XKR6: variants seen among roughly 807,000 people sequenced by gnomAD.
The protein encoded by XKR6 is XK-related protein 6.
A neutral mutation model predicts 56.7 loss-of-function variants in XKR6; 22 were observed. The observed-to-expected ratio is 0.39, with a 90% CI of 0.28 to 0.55. The LOEUF (loss-of-function observed/expected upper bound fraction) is 0.55. Ranked by LOEUF, XKR6 falls within the 20% of genes least tolerant of loss-of-function variation. The pLI is 0.66. For synonymous variants in XKR6, 524 were observed against 387.8 expected, an observed-to-expected ratio of 1.35 and a Z score of -4.13; for missense variants, 852 against 889.0, an observed-to-expected ratio of 0.96 and a Z score of 0.53.
At chr8:10,982,134 CT>C (rs1797749253) in intron 1 of XKR6, among the ~76,000 whole-genome samples, 1 of 152,208 alleles carries the variant, frequency 6.6e-6, no homozygotes, top group African/African-American at 2.4e-5. Flanking sequence ...CAACTCAACC[CT>C]TGTCTGATGA....
At chr8:11,066,329 T>C (rs1047388221) in intron 1 of XKR6, among the ~76,000 whole-genome samples, 8 of 152,232 alleles carry the variant, frequency 5.3e-5, no homozygotes, top group Non-Finnish European at 1.0e-4. Flanking sequence ...CCTCCCACCA[T>C]TTCTATTGCA....
At chr8:11,063,859 C>T (rs1274567385) in intron 1 of XKR6, among the ~76,000 whole-genome samples, 4 of 152,198 alleles carry the variant, frequency 2.6e-5, no homozygotes, top group East Asian at 1.9e-4. Context: ...AGAGGCTACT[C>T]GACACTGGGA....
Position 11,075,185 on chromosome 8 carries a change from G to T in XKR6, c.764+125391C>A, listed in dbSNP as rs2898256. ...TGGCTTGAACTCTGGGGAAAAAAAG[G>T]GTGGTTGTCTACAAGGCGCCACAGT... On this transcript the variant is annotated intron_variant, in intron 1 of 2. Transcript: ENST00000416569. 5.9e-5 allele frequency among the ~76,000 whole-genome samples: 9 copies of T among 152,110 alleles called. No homozygotes were observed. The South Asian group carries it at 1.7e-3, about 28-fold the overall frequency.
intron 1 of XKR6, among the ~76,000 whole-genome samples, chr8:11,048,003 G>C (rs1407113104): frequency 6.6e-6 from 1 of 152,084 alleles, no homozygotes; most frequent in Non-Finnish European, 1.5e-5. Context: ...AGACATGTCA[G>C]CCTCCAGCGC....
chr8:11,093,034 CTCTT>C (rs1048397864), intron 1 of XKR6, among the ~76,000 whole-genome samples: 2 of 123,390 alleles, frequency 1.6e-5, no homozygotes, highest in Non-Finnish European at 3.1e-5. Context: ...TTTTTCTTTT[CTCTT>C]TCTTTCTCTT....
intron 1 of XKR6, among the ~76,000 whole-genome samples, chr8:11,110,362 CA>C (rs376895103): frequency 4.2e-4 from 64 of 152,214 alleles, no homozygotes; most frequent in Admixed American, 1.3e-3. Flanking sequence ...AAAAAGGAGC[CA>C]GGGGTATTGG....
intron 1 of XKR6, among the ~76,000 whole-genome samples, chr8:11,179,341 C>G (rs1199666979): frequency 6.6e-6 from 1 of 152,120 alleles, no homozygotes; most frequent in East Asian, 1.9e-4. Context: ...CTTTAGCCAC[C>G]ATACAGAAAA....
At chr8:11,189,855 G>A (rs1189573794) in intron 1 of XKR6, among the ~76,000 whole-genome samples, 16 of 152,200 alleles carry the variant, frequency 1.1e-4, no homozygotes, top group Admixed American at 9.2e-4. Context: ...GCACAGCCAA[G>A]GTTTGAAAAC....
chr8:11,026,811 C>T (rs1798877782), intron 1 of XKR6, among the ~76,000 whole-genome samples: 1 of 151,800 alleles, frequency 6.6e-6, no homozygotes, highest in Admixed American at 6.6e-5. Context: ...CTACTACACC[C>T]TTAGATGGTC....
At chr8:11,099,927 T>C (rs1230230971) in intron 1 of XKR6, among the ~76,000 whole-genome samples, 1 of 152,064 alleles carries the variant, frequency 6.6e-6, no homozygotes, top group Non-Finnish European at 1.5e-5. Flanking sequence ...GGGAGGAGCA[T>C]CCTAGACAAA....
intron 1 of XKR6, among the ~76,000 whole-genome samples, chr8:11,060,107 C>T (rs1465531143): frequency 2.0e-5 from 3 of 152,112 alleles, no homozygotes; most frequent in African/African-American, 7.2e-5. Flanking sequence ...ACCTCCACTC[C>T]CCACAGCAGC....
intron 2 of XKR6, among the ~76,000 whole-genome samples, chr8:10,912,421 A>G (rs1800417241): frequency 7.5e-6 from 1 of 133,990 alleles, no homozygotes; most frequent in Non-Finnish European, 1.6e-5. Context: ...GAGTGAGCAT[A>G]TATATATGAG....
chr8:10,983,091 T>C (rs1036565184), intron 1 of XKR6, among the ~76,000 whole-genome samples: 1 of 152,068 alleles, frequency 6.6e-6, no homozygotes, highest in African/African-American at 2.4e-5. Flanking sequence ...ACAAAAATAT[T>C]CTCAGAGTGG....
chr8:10,924,308 G>A (rs1328849608), intron 2 of XKR6, among the ~76,000 whole-genome samples: 1 of 152,234 alleles, frequency 6.6e-6, no homozygotes, highest in Non-Finnish European at 1.5e-5. Flanking sequence ...GCAAATGCCT[G>A]GCTCAGGTCA....
intron 1 of XKR6, among the ~76,000 whole-genome samples, chr8:11,114,250 G>C (rs914847548): frequency 8.5e-5 from 13 of 152,176 alleles, no homozygotes; most frequent in African/African-American, 3.1e-4. Flanking sequence ...GAATGGAGTG[G>C]TGCCCGTCTT....
intron 1 of XKR6, among the ~76,000 whole-genome samples, chr8:10,982,122 G>A (rs546137517): frequency 7.2e-5 from 11 of 152,314 alleles, no homozygotes; most frequent in South Asian, 4.1e-4. Context: ...GTCTACACAC[G>A]TCAACTCAAC....
At chr8:11,092,490 C>T (rs1238498062) in intron 1 of XKR6, among the ~76,000 whole-genome samples, 1 of 152,238 alleles carries the variant, frequency 6.6e-6, no homozygotes, top group South Asian at 2.1e-4. Context: ...AGGACCCTGG[C>T]TGGAAAGATC....
chr8:11,080,450 C>T (rs756572165), intron 1 of XKR6, among the ~76,000 whole-genome samples: 2 of 152,182 alleles, frequency 1.3e-5, no homozygotes, highest in Admixed American at 6.5e-5. Context: ...TTATTGGGCT[C>T]ATTGTAGAAA....
At chr8:11,004,310 A>G (rs1380179963) in intron 1 of XKR6, among the ~76,000 whole-genome samples, 1 of 152,110 alleles carries the variant, frequency 6.6e-6, no homozygotes, top group African/African-American at 2.4e-5. Context: ...CATCTCTACT[A>G]AAAATACAAA....
Sources: allele counts gnomAD v4.1 joint callset (sites outside exome capture counted in the v4.1 genomes callset), GRCh38; gene constraint gnomAD v4.1.1; transcripts MANE v1.5; gene names NCBI Gene and HGNC (gene_info 2026-07-23, HGNC 2026-07-21).